The following GPC5 variants were observed in gnomAD, a reference collection of about 807,000 sequenced individuals.
GPC5 encodes the protein glypican-5.
In GPC5, 47 loss-of-function variants were observed where a neutral mutation model predicts 53.9. The ratio of observed to expected loss-of-function variants is 0.87; its 90% CI spans 0.69 to 1.11. The LOEUF (loss-of-function observed/expected upper bound fraction) is 1.11, where lower values mean the gene tolerates loss of function less well. GPC5 is among the 50% of genes most tolerant of loss of function. The pLI, the probability that GPC5 is intolerant of heterozygous loss-of-function variation, is 0.00. For synonymous variants in GPC5, 286 were observed against 263.3 expected, an observed-to-expected ratio of 1.09 and a Z score of -0.84; for missense variants, 748 against 713.1, an observed-to-expected ratio of 1.05 and a Z score of -0.56.
chr13:92,127,692 G>T (rs913417311), intron 6 of GPC5, among the ~76,000 whole-genome samples: 1 of 152,172 alleles, frequency 6.6e-6, no homozygotes, highest in African/African-American at 2.4e-5. Context: ...TGAACAAAAT[G>T]CTGGGTAAAC....
chr13:92,306,098 G>A (rs2043109004), intron 7 of GPC5, among the ~76,000 whole-genome samples: 1 of 152,202 alleles, frequency 6.6e-6, no homozygotes. Flanking sequence ...TGAGTAGTGA[G>A]ATTGGGAAGT....
chr13:92,468,009 A>G (rs143812775), intron 7 of GPC5, among the ~76,000 whole-genome samples: 14 of 152,228 alleles, frequency 9.2e-5, no homozygotes, highest in Middle Eastern at 3.4e-3. Context: ...ACAAATTGAA[A>G]TTAATGTTTC....
At chr13:92,617,986 A>G (rs1280414603) in intron 7 of GPC5, among the ~76,000 whole-genome samples, 3 of 152,206 alleles carry the variant, frequency 2.0e-5, no homozygotes, top group Non-Finnish European at 4.4e-5. Flanking sequence ...GCTAAAAGGA[A>G]GTAACACCTA....
chr13:92,511,149 C>A lies in GPC5; in HGVS notation c.1562-355133C>A, dbSNP rs145590543. ...TAGCTTGGCTTTTAAAATTCTTGAA[C>A]AGACTTTATTTCTGTTCTTAATGTA... On this transcript the variant is annotated intron_variant, in intron 7 of 7. Transcript: ENST00000377067. Among the ~76,000 whole-genome samples the A allele has an allele frequency of 4.0e-3, 608 of 152,256 alleles. 7 individuals carry two copies. Among genetic ancestry groups the A allele is most frequent in the African/African-American group, 0.014 (591 of 41,556 alleles).
intron 6 of GPC5, among the ~76,000 whole-genome samples, chr13:91,996,964 T>C (rs983986151): frequency 6.6e-6 from 1 of 152,048 alleles, no homozygotes; most frequent in Non-Finnish European, 1.5e-5. Flanking sequence ...TAGTATAATA[T>C]AAAACATTAT....
chr13:92,525,460 G>A (rs1483000090), intron 7 of GPC5, among the ~76,000 whole-genome samples: 2 of 151,280 alleles, frequency 1.3e-5, no homozygotes, highest in Non-Finnish European at 3.0e-5. Flanking sequence ...GTGTGTGTGT[G>A]TGTGTGTGTG....
In GPC5 at chr13:92,063,428, C is replaced by T. The variant is rs556507141; in HGVS notation, c.1402-81402C>T. ...AAACTGATTGTCCAAATCAAAATCA[C>T]TCTGGGCCTACTGAGAATGGTATGG... On this transcript the variant is annotated intron_variant, in intron 6 of 7. Coordinates refer to ENST00000377067, the MANE Select transcript of GPC5 (RefSeq NM_004466.6). Among the ~76,000 whole-genome samples the T allele has an allele frequency of 3.3e-5, 5 of 152,166 alleles. No individual in the cohort carries two copies. The South Asian group carries it at 1.0e-3, about 32-fold the overall frequency.
At chr13:92,035,405 T>G (rs1349513647) in intron 6 of GPC5, among the ~76,000 whole-genome samples, 1 of 152,098 alleles carries the variant, frequency 6.6e-6, no homozygotes. Flanking sequence ...TGTCTTTTAT[T>G]TTGCTTTTAC....
At chr13:92,434,270 T>C (rs761749616) in intron 7 of GPC5, among the ~76,000 whole-genome samples, 13 of 152,074 alleles carry the variant, frequency 8.5e-5, no homozygotes. Context: ...TAGAGAACCA[T>C]AACAACCACT....
chr13:91,571,799 A>ATACACACACATATACGTGTGTGTGTG lies in GPC5; in HGVS notation c.326-121386_326-121385insCACACACATATACGTGTGTGTGTGTA, dbSNP rs2031811692. 6.7e-5 allele frequency among the ~76,000 whole-genome samples: 5 copies of ATACACACACATATACGTGTGTGTGTG among 75,056 alleles called. 2 individuals are homozygous for ATACACACACATATACGTGTGTGTGTG. The highest frequency in any genetic ancestry group is 3.5e-4 in the African/African-American group (5 of 14,256). 49.2% of individuals were successfully genotyped at this position (75,056 alleles called of 152,430 possible). ...TACACACACATATACGTGTGTGTAT[A>ATACACACACATATACGTGTGTGTGTG]TATACACACACATACGTGTGTGTAT... On this transcript the variant is annotated intron_variant, in intron 2 of 7. Coordinates refer to ENST00000377067, the MANE Select transcript of GPC5 (RefSeq NM_004466.6).
At chr13:92,066,960 C>G (rs2041172322) in intron 6 of GPC5, among the ~76,000 whole-genome samples, 2 of 152,018 alleles carry the variant, frequency 1.3e-5, no homozygotes, top group South Asian at 4.1e-4. Context: ...TTTACAAACA[C>G]TGAGCTAGGT....
At chr13:92,416,742 A>T (rs1238318361) in intron 7 of GPC5, among the ~76,000 whole-genome samples, 2 of 152,196 alleles carry the variant, frequency 1.3e-5, no homozygotes, top group Non-Finnish European at 2.9e-5. Context: ...AAAATTCAAA[A>T]AGTTTGTGCT....
chr13:92,825,174 C>T (rs537674199), intron 7 of GPC5, among the ~76,000 whole-genome samples: 4 of 152,066 alleles, frequency 2.6e-5, no homozygotes, highest in African/African-American at 7.2e-5. Context: ...AATCACAGCA[C>T]GATCCGTGTG....
chr13:92,749,693 T>C (rs2139322911), intron 7 of GPC5, among the ~76,000 whole-genome samples: 1 of 152,328 alleles, frequency 6.6e-6, no homozygotes, highest in Non-Finnish European at 1.5e-5. Context: ...TCTACTATAA[T>C]TTTAATTCAA....
At chr13:92,322,991 T>C (rs1016225072) in intron 7 of GPC5, among the ~76,000 whole-genome samples, 2 of 151,896 alleles carry the variant, frequency 1.3e-5, no homozygotes, top group Non-Finnish European at 2.9e-5. Context: ...ATTTATGAAC[T>C]ACAGAAAAGG....
At chr13:92,225,659 C>T (rs1337127297) in intron 7 of GPC5, among the ~76,000 whole-genome samples, 4 of 151,884 alleles carry the variant, frequency 2.6e-5, no homozygotes, top group South Asian at 2.1e-4. Context: ...TCCAGAGAAT[C>T]GAATTATTTT....
At chr13:92,400,891 A>G (rs1274822964) in intron 7 of GPC5, among the ~76,000 whole-genome samples, 1 of 151,390 alleles carries the variant, frequency 6.6e-6, no homozygotes, top group Non-Finnish European at 1.5e-5. Context: ...TGGTACATTA[A>G]TAAAAAGAGG....
intron 2 of GPC5, among the ~76,000 whole-genome samples, chr13:91,468,220 C>T (rs1431602921): frequency 6.6e-6 from 1 of 151,836 alleles, no homozygotes; most frequent in African/African-American, 2.4e-5. Flanking sequence ...CTCTAATATT[C>T]ACAGCGGAAC....
intron 2 of GPC5, among the ~76,000 whole-genome samples, chr13:91,459,371 G>C (rs1371913998): frequency 6.6e-6 from 1 of 152,068 alleles, no homozygotes; most frequent in African/African-American, 2.4e-5. Flanking sequence ...CTACAGAAAA[G>C]AGGCACCGTG....
Sources: gnomAD v4.1 joint callset for allele counts (sites outside exome capture counted in the v4.1 genomes callset) on GRCh38, gnomAD v4.1.1 for gene constraint, MANE v1.5 for transcripts, NCBI Gene and HGNC (gene_info 2026-07-23, HGNC 2026-07-21) for gene names.